The following NKAIN3 variants were observed in gnomAD, a reference collection of about 807,000 sequenced individuals.
The protein encoded by NKAIN3 is sodium/potassium-transporting ATPase subunit beta-1-interacting protein 3.
In NKAIN3, 25 loss-of-function variants were observed where a neutral mutation model predicts 30.2. That is an observed-to-expected ratio of 0.83 (90% CI 0.60 to 1.16). The LOEUF (loss-of-function observed/expected upper bound fraction) is 1.16, where lower values mean the gene tolerates loss of function less well. Ranked by LOEUF, NKAIN3 falls within the 50% of genes most tolerant of loss-of-function variation. The probability of loss-of-function intolerance (pLI) is 0.00; values close to 1 mark genes in which losing one functional copy is unlikely to be tolerated. For missense variants in NKAIN3, 225 were observed against 254.1 expected (o/e 0.89, Z 0.78); for synonymous variants, 91 against 89.6 (o/e 1.02, Z -0.09).
intron 3 of NKAIN3, among the ~76,000 whole-genome samples, chr8:62,713,934 C>T (rs1218257368): frequency 2.0e-5 from 3 of 152,014 alleles, no homozygotes; most frequent in Non-Finnish European, 4.4e-5. Context: ...TTATATAAAA[C>T]CACTAGATTG....
intron 1 of NKAIN3, among the ~76,000 whole-genome samples, chr8:62,379,281 A>C (rs1563372153): frequency 6.6e-6 from 1 of 152,214 alleles, no homozygotes; most frequent in Non-Finnish European, 1.5e-5. Context: ...GCTTATAGGC[A>C]GAAGGGACTT....
At chr8:62,795,541 A>G (rs1260548702) in intron 4 of NKAIN3, among the ~76,000 whole-genome samples, 1 of 152,176 alleles carries the variant, frequency 6.6e-6, no homozygotes, top group African/African-American at 2.4e-5. Flanking sequence ...TTTACTCGCT[A>G]TAGAACGTTC....
chr8:62,641,547 C>T (rs1026989724), intron 3 of NKAIN3, among the ~76,000 whole-genome samples: 2 of 152,116 alleles, frequency 1.3e-5, no homozygotes, highest in Non-Finnish European at 2.9e-5. Context: ...GGGAGGACAA[C>T]CAGCAGTCAG....
At chr8:62,564,031 C>T (rs570498212) in intron 1 of NKAIN3, among the ~76,000 whole-genome samples, 1 of 152,276 alleles carries the variant, frequency 6.6e-6, no homozygotes, top group East Asian at 1.9e-4. Context: ...ACTCTGTAAC[C>T]TGATGCTGTG....
intron 3 of NKAIN3, among the ~76,000 whole-genome samples, chr8:62,614,774 G>T (rs569977201): frequency 6.6e-6 from 1 of 151,854 alleles, no homozygotes; most frequent in Non-Finnish European, 1.5e-5. Flanking sequence ...GCTTCATGTC[G>T]TAGCCACTGC....
At chr8:62,251,078 A>G (rs1198086976) in intron 1 of NKAIN3, among the ~76,000 whole-genome samples, 1 of 152,200 alleles carries the variant, frequency 6.6e-6, no homozygotes, top group Non-Finnish European at 1.5e-5. Flanking sequence ...AATTTTTGAT[A>G]ATACATAACA....
chr8:62,468,852 C>T (rs1451852), intron 1 of NKAIN3, among the ~76,000 whole-genome samples: 7,081 of 152,172 alleles, frequency 0.047, 595 homozygotes, highest in African/African-American at 0.16. Flanking sequence ...GTCTTAATTC[C>T]GATCTCTTTG....
At chr8:62,491,848 A>T (rs1291846810) in intron 1 of NKAIN3, among the ~76,000 whole-genome samples, 1 of 152,070 alleles carries the variant, frequency 6.6e-6, no homozygotes, top group African/African-American at 2.4e-5. Flanking sequence ...AACCCCGGGG[A>T]ATATCAAGCT....
At chr8:62,788,668 G>A (rs559176580) in intron 4 of NKAIN3, among the ~76,000 whole-genome samples, 9 of 152,076 alleles carry the variant, frequency 5.9e-5, no homozygotes, top group African/African-American at 2.2e-4. Context: ...ATGGTTTTAG[G>A]TCTAACATGT....
intron 1 of NKAIN3, among the ~76,000 whole-genome samples, chr8:62,326,741 A>C (rs1229752462): frequency 6.6e-6 from 1 of 151,972 alleles, no homozygotes; most frequent in Non-Finnish European, 1.5e-5. Flanking sequence ...GGCTATTGTG[A>C]ATAACGCTGC....
At chr8:62,905,148 T>G (rs1821739303) in intron 4 of NKAIN3, among the ~76,000 whole-genome samples, 1 of 152,012 alleles carries the variant, frequency 6.6e-6, no homozygotes, top group Non-Finnish European at 1.5e-5. Context: ...GAAAGTGACA[T>G]TTACAACTGG....
chr8:62,788,185 C>T (rs1449026275), intron 4 of NKAIN3, among the ~76,000 whole-genome samples: 5 of 152,176 alleles, frequency 3.3e-5, no homozygotes, highest in African/African-American at 4.8e-5. Flanking sequence ...TTCTCCACAT[C>T]GTCTCCAGCA....
chr8:62,586,434 C>T (rs767577417), intron 2 of NKAIN3, among the ~76,000 whole-genome samples: 11 of 152,274 alleles, frequency 7.2e-5, no homozygotes, highest in Non-Finnish European at 1.5e-4. Flanking sequence ...TATAGCCTAA[C>T]ACAGAGTAAA....
chr8:62,856,900 A>G, intron 4 of NKAIN3: 1 of 583,550 alleles, frequency 1.7e-6, no homozygotes, highest in Non-Finnish European at 3.2e-6. Flanking sequence ...CTGGATGCTC[A>G]TGTCAAAGGG....
At chr8:62,728,589 C>T (rs1387980697) in intron 3 of NKAIN3, among the ~76,000 whole-genome samples, 1 of 152,076 alleles carries the variant, frequency 6.6e-6, no homozygotes, top group Non-Finnish European at 1.5e-5. Flanking sequence ...CACTTGAACC[C>T]AGGAGGCGGA....
chr8:62,881,707 A>G (rs903085374), intron 4 of NKAIN3, among the ~76,000 whole-genome samples: 1 of 152,216 alleles, frequency 6.6e-6, no homozygotes, highest in Non-Finnish European at 1.5e-5. Flanking sequence ...AGCCATGTTC[A>G]GATTTTTGTG....
chr8:62,825,065 G>T (rs1818976041), intron 4 of NKAIN3, among the ~76,000 whole-genome samples: 1 of 152,142 alleles, frequency 6.6e-6, no homozygotes, highest in Non-Finnish European at 1.5e-5. Context: ...TTTCAGCAAA[G>T]AAAGCAAAGA....
At chr8:62,602,412 C>T (rs1563478959) in intron 3 of NKAIN3, among the ~76,000 whole-genome samples, 1 of 151,868 alleles carries the variant, frequency 6.6e-6, no homozygotes, top group Non-Finnish European at 1.5e-5. Context: ...AACATTTTAC[C>T]TTTGTATCTA....
At chr8:62,728,866 T>TATA (rs1338373906) in intron 3 of NKAIN3, among the ~76,000 whole-genome samples, 24 of 149,398 alleles carry the variant, frequency 1.6e-4, no homozygotes, top group Non-Finnish European at 3.1e-4. Flanking sequence ...GGCGGGCGCC[T>TATA]ATAGTCCCAG....
Sources: allele counts gnomAD v4.1 joint callset (sites outside exome capture counted in the v4.1 genomes callset), GRCh38; gene constraint gnomAD v4.1.1; transcripts MANE v1.5; gene names NCBI Gene and HGNC (gene_info 2026-07-23, HGNC 2026-07-21).